Variants in LRRIQ1 observed in about 807,000 individuals in gnomAD.
The protein encoded by LRRIQ1 is leucine rich repeats and IQ motif containing 1, also known as leucine-rich repeat- and IQ domain-containing protein 1.
Under a neutral mutation model 211.9 loss-of-function variants are expected in LRRIQ1, and 210 were observed. The observed-to-expected ratio is 0.99, with a 90% CI of 0.89 to 1.11. The LOEUF (loss-of-function observed/expected upper bound fraction) is 1.11, where lower values mean the gene tolerates loss of function less well. Among genes scored for constraint, LRRIQ1 ranks in the 50% most tolerant of loss-of-function variants. The probability of loss-of-function intolerance (pLI) is 0.00; values close to 1 mark genes in which losing one functional copy is unlikely to be tolerated. For missense variants in LRRIQ1, 2,136 were observed against 1,939.5 expected, an observed-to-expected ratio of 1.10 and a Z score of -1.90; for synonymous variants, 699 against 650.1, an observed-to-expected ratio of 1.08 and a Z score of -1.14.
intron 24 of LRRIQ1, among the ~76,000 whole-genome samples, chr12:85,164,726 G>T (rs1592910430): frequency 6.6e-6 from 1 of 152,128 alleles, no homozygotes; most frequent in Non-Finnish European, 1.5e-5. Flanking sequence ...TAGGTGACTT[G>T]ACCAAGGTTT....
At chr12:85,265,835 G>C (rs1896406406), downstream of LRRIQ1, among the ~76,000 whole-genome samples, 1 of 151,910 alleles carries the variant, frequency 6.6e-6, no homozygotes. Flanking sequence ...ACATATTTCT[G>C]TTGGACGACA....
intron 11 of LRRIQ1, among the ~76,000 whole-genome samples, chr12:85,079,235 T>C (rs1165973833): frequency 1.3e-5 from 2 of 149,730 alleles, no homozygotes; most frequent in Non-Finnish European, 3.0e-5. Context: ...TCACATGATG[T>C]ATCTTTATCT....
At chr12:85,157,511 T>G (rs1890620158) in intron 23 of LRRIQ1, among the ~76,000 whole-genome samples, 1 of 151,986 alleles carries the variant, frequency 6.6e-6, no homozygotes, top group Admixed American at 6.6e-5. Flanking sequence ...TTATTGTTGC[T>G]TCATACACAG....
intron 24 of LRRIQ1, among the ~76,000 whole-genome samples, chr12:85,196,859 G>A (rs897249044): frequency 6.6e-6 from 1 of 152,096 alleles, no homozygotes; most frequent in Admixed American, 6.6e-5. Flanking sequence ...CTTCTGCACT[G>A]CAAAAGAAAC....
intron 24 of LRRIQ1, among the ~76,000 whole-genome samples, chr12:85,180,938 G>A (rs1467647301): frequency 1.3e-5 from 2 of 151,752 alleles, no homozygotes; most frequent in Non-Finnish European, 3.0e-5. Flanking sequence ...CGGTAATGGT[G>A]AATACAAATA....
chr12:85,102,347 A>T (rs1198941964), intron 13 of LRRIQ1, among the ~76,000 whole-genome samples: 1 of 151,376 alleles, frequency 6.6e-6, no homozygotes, highest in Non-Finnish European at 1.5e-5. Context: ...TTTCACTGTT[A>T]TGGAGTATAT....
chr12:85,265,514 A>T (rs370990173), downstream of LRRIQ1, among the ~76,000 whole-genome samples: 5 of 152,020 alleles, frequency 3.3e-5, no homozygotes, highest in African/African-American at 1.2e-4. Context: ...TTACTTACCT[A>T]GATGGAGTTG....
At chr12:85,079,434 A>G (rs983897328) in intron 11 of LRRIQ1, among the ~76,000 whole-genome samples, 4 of 151,564 alleles carry the variant, frequency 2.6e-5, no homozygotes, top group African/African-American at 9.7e-5. Context: ...CATGTTGGCC[A>G]GACTGGTCTC....
chr12:85,265,723 A>T (rs988494642), downstream of LRRIQ1, among the ~76,000 whole-genome samples: 2 of 152,048 alleles, frequency 1.3e-5, no homozygotes, highest in African/African-American at 4.8e-5. Context: ...ATAAAAATAC[A>T]GAATTGCCCA....
chr12:85,269,854 C>T, the LRRIQ1 span, among the ~76,000 whole-genome samples: 1 of 152,000 alleles, frequency 6.6e-6, no homozygotes, highest in Non-Finnish European at 1.5e-5. Context: ...GCTTAAATAA[C>T]AAATATTTAT....
chr12:85,184,203 T>C (rs577188747), intron 24 of LRRIQ1, among the ~76,000 whole-genome samples: 6 of 152,114 alleles, frequency 3.9e-5, no homozygotes, highest in African/African-American at 1.2e-4. Flanking sequence ...CTTAAATATG[T>C]AAAAAACTTG....
At chr12:85,180,326 C>G (rs1231193491) in intron 24 of LRRIQ1, among the ~76,000 whole-genome samples, 1 of 151,952 alleles carries the variant, frequency 6.6e-6, no homozygotes, top group Non-Finnish European at 1.5e-5. Flanking sequence ...GGGTACTATA[C>G]TAACATCAAT....
Position 85,047,261 on chromosome 12 carries a change from A to C in LRRIQ1, c.469A>C (p.Asn157His), listed in dbSNP as rs765290301. Reference sequence around the variant, plus strand: ...CATGAGTGCAGATGATGCTGATATAAATTTTGGATACTGTGAAGTGGAAGA... The same window carrying C: ...CATGAGTGCAGATGATGCTGATATACATTTTGGATACTGTGAAGTGGAAGA... Reference protein sequence around the residue: ...EHVLPDDADINFGYCEVEEKC... With the variant: ...EHVLPDDADIHFGYCEVEEKC... Residue 157 changes from asparagine to histidine, a missense_variant, in exon 6 of 27, where the codon AAT (asparagine) becomes CAT (histidine). By Grantham distance (68) the Asn-to-His change is moderately conservative. Coordinates refer to ENST00000393217, the MANE Select transcript of LRRIQ1 (RefSeq NM_001079910.2). 3 of 1,590,544 alleles carry C rather than the reference A, an allele frequency of 1.9e-6. No homozygotes were observed. Among genetic ancestry groups the C allele is most frequent in the Admixed American group, 3.7e-5 (2 of 53,620 alleles).
downstream of LRRIQ1, among the ~76,000 whole-genome samples, chr12:85,266,334 A>G (rs900583099): frequency 2.0e-5 from 3 of 152,128 alleles, no homozygotes; most frequent in African/African-American, 7.2e-5. Flanking sequence ...GTTTTAATCT[A>G]AAAGACACAA....
downstream of LRRIQ1, among the ~76,000 whole-genome samples, chr12:85,249,430 C>T (rs1332627824): frequency 6.6e-6 from 1 of 151,616 alleles, no homozygotes; most frequent in Non-Finnish European, 1.5e-5. Flanking sequence ...TGTCTGTGTG[C>T]ATCTGTGTGT....
At chr12:85,144,423 G>A (rs1047263681) in intron 19 of LRRIQ1, among the ~76,000 whole-genome samples, 2 of 151,584 alleles carry the variant, frequency 1.3e-5, no homozygotes, top group East Asian at 3.9e-4. Flanking sequence ...AATTAAGAAA[G>A]TTTAAGATAT....
At chr12:85,262,973 A>T (rs1896339582) in exon 2 of LRRIQ1, 1 of 987,220 alleles carries the variant, frequency 1.0e-6, no homozygotes, top group African/African-American at 1.7e-5. Flanking sequence ...GACCTTCTAA[A>T]AAAGAACGTA....
At chr12:85,170,831 G>A (rs1187732989) in intron 24 of LRRIQ1, among the ~76,000 whole-genome samples, 1 of 152,036 alleles carries the variant, frequency 6.6e-6, no homozygotes. Context: ...GAAATCCAAA[G>A]AGCTGAGAAG....
chr12:85,078,942 A>T (rs1371847739), intron 11 of LRRIQ1, among the ~76,000 whole-genome samples: 3 of 152,204 alleles, frequency 2.0e-5, no homozygotes, highest in African/African-American at 7.2e-5. Flanking sequence ...ACAAAGAGTT[A>T]TACTGGGAAG....
Sources: allele counts gnomAD v4.1 joint callset (sites outside exome capture counted in the v4.1 genomes callset), GRCh38; gene constraint gnomAD v4.1.1; transcripts MANE v1.5; gene names NCBI Gene and HGNC (gene_info 2026-07-23, HGNC 2026-07-21).